Variants in ITGB4 observed in about 807,000 individuals in gnomAD.
ITGB4 encodes integrin subunit beta 4, also known as integrin beta-4.
ITGB4 carries 159 observed loss-of-function variants against 207.6 expected under a neutral mutation model. The ratio of observed to expected loss-of-function variants is 0.77; its 90% CI spans 0.67 to 0.87. The LOEUF is 0.87. ITGB4 is among the 40% of genes least tolerant of loss of function. The probability of loss-of-function intolerance (pLI) is 0.00; values close to 1 mark genes in which losing one functional copy is unlikely to be tolerated. For synonymous variants in ITGB4, 1,020 were observed against 1,062.7 expected (o/e 0.96, Z 0.78); for missense variants, 2,278 against 2,546.8 (o/e 0.89, Z 2.27).
At chr17:75,749,750 A>G (rs1001982607) in intron 27 of ITGB4, among the ~76,000 whole-genome samples, 1 of 152,150 alleles carries the variant, frequency 6.6e-6, no homozygotes, top group African/African-American at 2.4e-5. Flanking sequence ...CAGCCTCCCA[A>G]CTGGGAGAAA....
At chr17:75,746,866 T>C (rs2143259578) in intron 26 of ITGB4, among the ~76,000 whole-genome samples, 1 of 148,908 alleles carries the variant, frequency 6.7e-6, no homozygotes, top group East Asian at 2.0e-4. Context: ...TAGGTGGAGG[T>C]TGCAGTTAGC....
chr17:75,731,968 G>A lies in ITGB4; in HGVS notation c.1372G>A (p.Glu458Lys), dbSNP rs757905562. Reference protein sequence around the residue: ...AGIICDVCTCELQKEVRSARC... With the variant: ...AGIICDVCTCKLQKEVRSARC... The stretch of plus-strand genomic sequence containing the variant: ...CATCATCTGTGATGTGTGCACCTGC[G>A]AGCTGGTACAACGCAGCCCCGCAGG... Residue 458 changes from glutamate to lysine, a missense_variant, in exon 11 of 40, where the codon GAG becomes AAG. Coordinates refer to ENST00000200181, the MANE Select transcript of ITGB4 (RefSeq NM_000213.5). This position sits in a 1 kb window ranked among gnomAD's most constrained non-coding sequence, Gnocchi z 6.8. The A allele has an allele frequency of 7.4e-6, 12 of 1,613,824 alleles. No homozygotes were observed. The highest frequency in any genetic ancestry group is 4.5e-5 in the East Asian group (2 of 44,896).
rs1012049256 is a variant in ITGB4, at chr17:75,756,977, C to T, written c.5088C>T (p.Ser1696=). ...PATAFRVDGD[S]PESRLTVPGL... is the part of the protein sequence containing the mutation. ...CCGCATTCCGGGTGGATGGAGACAG[C>T]CCCGAGAGCCGGCTGACCGTGCCGG... The change falls in exon 38 of 40, where the codon AGC becomes AGT. Residue 1696 remains serine, a synonymous_variant. Transcript: ENST00000200181. 5.0e-6 allele frequency: 8 copies of T among 1,612,620 alleles called. No homozygotes were observed. The African/African-American group carries it at 9.3e-5, about 19-fold the overall frequency.
Position 75,724,627 on chromosome 17 carries a change from G to C in ITGB4, c.-10-67G>C, listed in dbSNP as rs991772615. 10 of 1,179,042 alleles carry C rather than the reference G, an allele frequency of 8.5e-6. No individual in the cohort carries two copies. In the African/African-American group the frequency reaches 1.5e-4, roughly 18 times the overall value. 73.0% of individuals were successfully genotyped at this position (1,179,042 alleles called of 1,614,324 possible). On this transcript the variant is annotated intron_variant, in intron 1 of 39. Transcript: ENST00000200181. ...GCCTCAGTTCCCACAGCTGTGCAGCGAGAGGAAGCTGACGGCACCGACCAT... is the reference window on the plus strand; with the variant it reads ...GCCTCAGTTCCCACAGCTGTGCAGCCAGAGGAAGCTGACGGCACCGACCAT...
intron 30 of ITGB4, 149 bp from the exon 31 acceptor site, chr17:75,752,025 G>A: frequency 1.2e-6 from 1 of 852,200 alleles, no homozygotes; most frequent in Non-Finnish European, 2.0e-6. Context: ...GGGCTCCGCA[G>A]GCGGCAATTC....
chr17:75,737,899 G>T (rs2061018428), intron 18 of ITGB4, among the ~76,000 whole-genome samples: 2 of 149,532 alleles, frequency 1.3e-5, no homozygotes, highest in Non-Finnish European at 3.0e-5. Flanking sequence ...CTCTGACAGG[G>T]TCTCCACCCT....
rs983616707 is a variant in ITGB4 at position 75,739,430 on chromosome 17, A to T, written c.2221-242A>T. 2.0e-5 allele frequency among the ~76,000 whole-genome samples: 3 copies of T among 152,130 alleles called. No individual in the cohort carries two copies. Among genetic ancestry groups the T allele is most frequent in the Admixed American group, 2.0e-4 (3 of 15,278 alleles). On this transcript the variant is annotated intron_variant, in intron 18 of 39. Transcript: ENST00000200181. The surrounding 1 kb of genome is among the most constrained non-coding windows in gnomAD (Gnocchi z 5.4). ...CTTCCCAAGTGAACCTGACCACAGA[A>T]CCTTTACAGAGCACCCGGCAGGATG...
At position 75,729,508 on chromosome 17, in the gene ITGB4, C is replaced by T; in HGVS notation, c.738+72C>T. On this transcript the variant is annotated intron_variant, in intron 7 of 39. Coordinates refer to ENST00000200181, the MANE Select transcript of ITGB4 (RefSeq NM_000213.5). The surrounding 1 kb of genome is among the most constrained non-coding windows in gnomAD (Gnocchi z 4.4). ...TTCTGGGCAAGGGCCTGAGCTGCCC[C>T]CTGGCCTGCTCTGGTGCCAGGCTCA... The T allele has an allele frequency of 2.0e-6, 3 of 1,503,548 alleles. No individual in the cohort carries two copies. Among genetic ancestry groups the T allele is most frequent in the Non-Finnish European group, 2.7e-6 (3 of 1,107,226 alleles). 93.1% of individuals were successfully genotyped at this position (1,503,548 alleles called of 1,614,324 possible).
At chr17:75,749,092 T>G (rs762483559) in intron 27 of ITGB4, 47 bp downstream of exon 27, 4 of 1,495,228 alleles carry the variant, frequency 2.7e-6, no homozygotes, top group Non-Finnish European at 3.7e-6. Context: ...GAGGGAAGAC[T>G]GGGGGGTCTC....
Position 75,740,638 on chromosome 17 carries a change from A to G in ITGB4, c.2551-155A>G. On this transcript the variant is annotated intron_variant, in intron 21 of 39. Transcript: ENST00000200181. This position sits in a 1 kb window ranked among gnomAD's most constrained non-coding sequence, Gnocchi z 5.9. ...ATCTGTTTCCAGAGGGCAGAAGGCC[A>G]GAGCCTGGGCCCAGGATGCTGCCCC... 9.9e-7 allele frequency: 1 copy of G among 1,006,116 alleles called. No individual in the cohort carries two copies. The highest frequency in any genetic ancestry group is 1.5e-6 in the Non-Finnish European group (1 of 649,602). 62.3% of individuals were successfully genotyped at this position (1,006,116 alleles called of 1,614,324 possible).
At chr17:75,749,080 G>A (rs2061304432) in intron 27 of ITGB4, 35 bp downstream of exon 27, 1 of 1,559,836 alleles carries the variant, frequency 6.4e-7, no homozygotes, top group Non-Finnish European at 8.7e-7. Flanking sequence ...TAAGCAGGAG[G>A]AGAGGGAAGA....
At chr17:75,748,070 C>T (rs747876460) in intron 26 of ITGB4, among the ~76,000 whole-genome samples, 1 of 151,986 alleles carries the variant, frequency 6.6e-6, no homozygotes, top group Non-Finnish European at 1.5e-5. Flanking sequence ...GCATGCTCCA[C>T]GGCACTGAAA....
rs968372818 is a variant in ITGB4, at chr17:75,722,970, C to A, written c.-11+1358C>A. Among the ~76,000 whole-genome samples, 1 of 152,176 alleles carries A rather than the reference C, an allele frequency of 6.6e-6. No individual in the cohort carries two copies. Among genetic ancestry groups the A allele is most frequent in the Non-Finnish European group, 1.5e-5 (1 of 68,022 alleles). On this transcript the variant is annotated intron_variant, in intron 1 of 39. Coordinates refer to ENST00000200181, the MANE Select transcript of ITGB4 (RefSeq NM_000213.5). The surrounding 1 kb of genome is among the most constrained non-coding windows in gnomAD (Gnocchi z 6.2). ...ATCGTGATACATCTAATGATAAACA[C>A]AAATTCCTAACTTTTATGGGAAATC...
At chr17:75,730,738 G>A in intron 8 of ITGB4, 137 bp from the exon 9 acceptor site, 3 of 1,007,772 alleles carry the variant, frequency 3.0e-6, no homozygotes, top group Non-Finnish European at 3.1e-6. Flanking sequence ...CAAGCAGGTG[G>A]GGGCTAAGAG....
intron 16 of ITGB4, 31 bp from the exon 17 acceptor site, chr17:75,737,290 TG>T: frequency 1.3e-6 from 2 of 1,579,444 alleles, no homozygotes; most frequent in Non-Finnish European, 8.6e-7. Flanking sequence ...GGGGTGTGGC[TG>T]GGGTGCCCTG....
At position 75,757,471 on chromosome 17, in the gene ITGB4, T is replaced by G. The variant is rs1345835668; in HGVS notation, c.5385T>G (p.His1795Gln). The change falls in exon 40 of 40, where the codon CAT (histidine) becomes CAG (glutamine). Residue 1795 changes from histidine to glutamine, a missense_variant. Coordinates refer to ENST00000200181, the MANE Select transcript of ITGB4 (RefSeq NM_000213.5). ...AGGCAGGCGGCTCCCTCACCCGGCATGTGACCCAGGAGTTTGTGAGCCGGA... is the reference window on the plus strand; with the variant it reads ...AGGCAGGCGGCTCCCTCACCCGGCAGGTGACCCAGGAGTTTGTGAGCCGGA... ...HLEAGGSLTR[H>Q]VTQEFVSRTL... 3 of 1,612,932 alleles carry G rather than the reference T, an allele frequency of 1.9e-6. No individual in the cohort carries two copies. The East Asian group carries it at 6.7e-5, about 36-fold the overall frequency.
Position 75,752,169 on chromosome 17 carries a change from C to T in ITGB4, c.3794-5C>T, listed in dbSNP as rs1263401546. 6.2e-7 allele frequency: 1 copy of T among 1,613,782 alleles called. No homozygotes were observed. The highest frequency in any genetic ancestry group is 8.5e-7 in the Non-Finnish European group (1 of 1,179,976). ...TGACCCTCTGAAGCACTCTCTCTGC[C>T]CCAGGACCTATTGGGCCCATGAAGA... On this transcript the variant is annotated splice_region_variant and splice_polypyrimidine_tract_variant and intron_variant, in intron 30 of 39. Transcript: ENST00000200181.
chr17:75,752,080 T>C, intron 30 of ITGB4, 94 bp from the exon 31 acceptor site: 1 of 1,362,426 alleles, frequency 7.3e-7, no homozygotes. Flanking sequence ...CTGGGTGCCA[T>C]CCAGGGGATG....
chr17:75,737,207 G>A (rs1351794290), intron 16 of ITGB4, 115 bp from the exon 17 acceptor site: 22 of 1,327,890 alleles, frequency 1.7e-5, no homozygotes, highest in Middle Eastern at 2.2e-4. Flanking sequence ...TCTTCCCCAG[G>A]AGGCCCTGCC....
Sources: gnomAD v4.1 joint callset for allele counts (sites outside exome capture counted in the v4.1 genomes callset) on GRCh38, gnomAD v4.1.1 for gene constraint, Gnocchi (gnomAD v3.1) non-coding constraint, MANE v1.5 for transcripts, NCBI Gene and HGNC (gene_info 2026-07-23, HGNC 2026-07-21) for gene names.